The following PCGF5 variants were observed in gnomAD, a reference collection of about 807,000 sequenced individuals.
PCGF5 encodes the protein polycomb group ring finger 5.
In PCGF5, 9 loss-of-function variants were observed where a neutral mutation model predicts 44.3. That is an observed-to-expected ratio of 0.20 (90% CI 0.12 to 0.35). The LOEUF is 0.35. Ranked by LOEUF, PCGF5 falls within the 10% of genes least tolerant of loss-of-function variation. The pLI is 1.00. For missense variants in PCGF5, 146 were observed against 305.3 expected, an observed-to-expected ratio of 0.48 and a Z score of 3.89; for synonymous variants, 95 against 102.5, an observed-to-expected ratio of 0.93 and a Z score of 0.44.
At position 91,282,789 on chromosome 10, in the gene PCGF5, T is replaced by C. The variant is rs891838416; in HGVS notation, c.*4473T>C. On this transcript the variant is annotated 3_prime_UTR_variant, in exon 10 of 10. Coordinates refer to ENST00000336126, the MANE Select transcript of PCGF5 (RefSeq NM_032373.5). The stretch of plus-strand genomic sequence containing the variant: ...TAAGGAATTTTCCAGAAAGCTAAGC[T>C]TTATACTAATAAGATATTGGTTGGT... 1 of 152,620 alleles carries C rather than the reference T, an allele frequency of 6.6e-6. No individual in the cohort carries two copies. Among genetic ancestry groups the C allele is most frequent in the Non-Finnish European group, 1.5e-5 (1 of 68,034 alleles). The allele number at this position is 152,620 out of a possible 1,614,324, so 9.5% of individuals were successfully genotyped here. A position where few individuals can be genotyped will look rare whatever the true frequency, so the allele number is the denominator to read the frequency against.
chr10:91,271,895 T>C (rs1050768608), intron 9 of PCGF5, among the ~76,000 whole-genome samples, 198 bp downstream of exon 9: 1 of 152,240 alleles, frequency 6.6e-6, no homozygotes, highest in Non-Finnish European at 1.5e-5. Context: ...TTTACTGAAC[T>C]AAAAAATTAG....
chr10:91,251,782 C>A (rs1021186965), intron 6 of PCGF5, among the ~76,000 whole-genome samples: 4 of 151,948 alleles, frequency 2.6e-5, no homozygotes, highest in African/African-American at 9.7e-5. Flanking sequence ...AGTTCTAGCC[C>A]TTTTATTCAT....
upstream of PCGF5, among the ~76,000 whole-genome samples, chr10:91,159,054 T>G (rs968189527): frequency 6.6e-6 from 1 of 152,088 alleles, no homozygotes; most frequent in Non-Finnish European, 1.5e-5. Context: ...TGTAGAGAAA[T>G]TGGAGCTAGA....
At chr10:91,210,023 G>A (rs1312348189) in intron 1 of PCGF5, among the ~76,000 whole-genome samples, 3 of 152,136 alleles carry the variant, frequency 2.0e-5, no homozygotes, top group Non-Finnish European at 2.9e-5. Context: ...GCCACTTCTG[G>A]CATTTAGATG....
At chr10:91,216,479 A>G (rs141291296), upstream of PCGF5, among the ~76,000 whole-genome samples, 229 of 152,266 alleles carry the variant, frequency 1.5e-3, 2 homozygotes, top group African/African-American at 5.0e-3. Context: ...GGCCTTATTA[A>G]GTGTTTGGGC....
At chr10:91,273,051 T>C (rs994206921) in intron 9 of PCGF5, among the ~76,000 whole-genome samples, 1 of 152,232 alleles carries the variant, frequency 6.6e-6, no homozygotes, top group Non-Finnish European at 1.5e-5. Flanking sequence ...TGCTATGATA[T>C]GGGAATTCTC....
chr10:91,213,260 A>C (rs527545585), intron 1 of PCGF5, among the ~76,000 whole-genome samples: 1 of 152,220 alleles, frequency 6.6e-6, no homozygotes, highest in Non-Finnish European at 1.5e-5. Context: ...AAGTATGACT[A>C]ATATTTGAAG....
At chr10:91,246,591 T>TGCTCA (rs1317984173) in intron 3 of PCGF5, among the ~76,000 whole-genome samples, 3 of 152,128 alleles carry the variant, frequency 2.0e-5, no homozygotes, top group African/African-American at 7.2e-5. Flanking sequence ...GTCTCTGCTC[T>TGCTCA]GCTCAAAGCA....
chr10:91,197,111 C>T (rs1332601490), intron 1 of PCGF5, among the ~76,000 whole-genome samples: 1 of 152,218 alleles, frequency 6.6e-6, no homozygotes, highest in Non-Finnish European at 1.5e-5. Flanking sequence ...ACAAACTACT[C>T]CAAAACTTAA....
chr10:91,272,146 G>C (rs1846194619), intron 9 of PCGF5, among the ~76,000 whole-genome samples: 2 of 152,172 alleles, frequency 1.3e-5, no homozygotes, highest in African/African-American at 4.8e-5. Context: ...TACTTTACTT[G>C]AGTTACCTCT....
intron 1 of PCGF5, among the ~76,000 whole-genome samples, chr10:91,174,014 A>G (rs1843659560): frequency 6.6e-6 from 1 of 151,910 alleles, no homozygotes; most frequent in South Asian, 2.1e-4. Flanking sequence ...ATAGTTATCA[A>G]GGTAAATACC....
intron 8 of PCGF5, among the ~76,000 whole-genome samples, chr10:91,265,646 A>G (rs542213208): frequency 6.6e-6 from 1 of 152,320 alleles, no homozygotes; most frequent in South Asian, 2.1e-4. Flanking sequence ...TATTGAATGT[A>G]AACATTTGTG....
At chr10:91,179,137 G>A (rs1843771742) in intron 1 of PCGF5, among the ~76,000 whole-genome samples, 1 of 152,094 alleles carries the variant, frequency 6.6e-6, no homozygotes, top group African/African-American at 2.4e-5. Flanking sequence ...AACATCTTTT[G>A]TATTATTCCC....
chr10:91,193,328 A>G (rs181069419), intron 1 of PCGF5, among the ~76,000 whole-genome samples: 18 of 150,484 alleles, frequency 1.2e-4, no homozygotes, highest in African/African-American at 4.4e-4. Context: ...GCTCAGCCAA[A>G]TTGTACTTAG....
chr10:91,261,467 G>T (rs762690870), intron 7 of PCGF5, 43 bp downstream of exon 7: 6 of 1,371,472 alleles, frequency 4.4e-6, no homozygotes, highest in Admixed American at 5.4e-5. Context: ...TGATAATTCT[G>T]ATTTGAAGTA....
At chr10:91,271,281 C>A (rs1238516582) in intron 8 of PCGF5, among the ~76,000 whole-genome samples, 1 of 151,900 alleles carries the variant, frequency 6.6e-6, no homozygotes, top group African/African-American at 2.4e-5. Flanking sequence ...ATCTAGGAGA[C>A]AGTGATCAGA....
chr10:91,230,646 C>G (rs1370921474), intron 2 of PCGF5, among the ~76,000 whole-genome samples: 1 of 152,126 alleles, frequency 6.6e-6, no homozygotes, highest in African/African-American at 2.4e-5. Flanking sequence ...CACTCTGTCG[C>G]CCAGGCTGGA....
intron 7 of PCGF5, among the ~76,000 whole-genome samples, chr10:91,263,265 A>G (rs1232860249): frequency 6.6e-6 from 1 of 152,228 alleles, no homozygotes; most frequent in East Asian, 1.9e-4. Context: ...AGCAAAATGC[A>G]TCCTAAGTGA....
At chr10:91,165,876 A>T (rs1482136062) in intron 1 of PCGF5, among the ~76,000 whole-genome samples, 3 of 152,228 alleles carry the variant, frequency 2.0e-5, no homozygotes, top group African/African-American at 7.2e-5. Flanking sequence ...CATGTTAATT[A>T]GCCCCAGTCT....
Sources: allele counts gnomAD v4.1 joint callset (sites outside exome capture counted in the v4.1 genomes callset), GRCh38; gene constraint gnomAD v4.1.1; transcripts MANE v1.5; gene names NCBI Gene and HGNC (gene_info 2026-07-23, HGNC 2026-07-21).